The following DAPP1 variants were observed in gnomAD, a reference collection of about 807,000 sequenced individuals.
DAPP1 encodes the protein dual adapter for phosphotyrosine and 3-phosphotyrosine and 3-phosphoinositide.
A neutral mutation model predicts 41.5 loss-of-function variants in DAPP1; 20 were observed. That is an observed-to-expected ratio of 0.48 (90% CI 0.34 to 0.70). The LOEUF is 0.70. DAPP1 is among the 30% of genes least tolerant of loss of function. The pLI is 0.01. For missense variants in DAPP1, 233 were observed against 333.4 expected, an observed-to-expected ratio of 0.70 and a Z score of 2.35; for synonymous variants, 113 against 116.2, an observed-to-expected ratio of 0.97 and a Z score of 0.18.
intron 5 of DAPP1, among the ~76,000 whole-genome samples, chr4:99,862,130 A>G (rs1578191224): frequency 6.6e-6 from 1 of 152,138 alleles, no homozygotes; most frequent in East Asian, 1.9e-4. Context: ...TTTCATCTCA[A>G]TGTGCCAAGA....
chr4:99,817,729 G>A (rs1425789063), intron 1 of DAPP1, among the ~76,000 whole-genome samples: 1 of 152,212 alleles, frequency 6.6e-6, no homozygotes, highest in Non-Finnish European at 1.5e-5. Flanking sequence ...TATTACACAA[G>A]AGAGGAATTG....
intron 7 of DAPP1, 144 bp downstream of exon 7, chr4:99,863,999 G>A: frequency 1.7e-6 from 1 of 588,000 alleles, no homozygotes; most frequent in Non-Finnish European, 2.9e-6. Flanking sequence ...GTTTTCAGCT[G>A]AGTGTGACAT....
rs1371086783 is a variant in DAPP1, at chr4:99,866,644, T to A, written c.774+523T>A. 3.9e-6 allele frequency: 3 copies of A among 762,168 alleles called. No homozygotes were observed. The Admixed American group carries it at 5.2e-5, about 13-fold the overall frequency. 47.2% of individuals were successfully genotyped at this position (762,168 alleles called of 1,614,324 possible). A position where few individuals can be genotyped will look rare whatever the true frequency, so the allele number is the denominator to read the frequency against. ...GTGAGTACTTATAAAACTTCACCAA[T>A]CTTCTACTTGTTTTTCATGTGCTTG... On this transcript the variant is annotated intron_variant, in intron 8 of 8. Transcript: ENST00000512369.
At chr4:99,860,226 G>A (rs1200172176) in intron 4 of DAPP1, among the ~76,000 whole-genome samples, 1 of 152,192 alleles carries the variant, frequency 6.6e-6, no homozygotes, top group Admixed American at 6.6e-5. Context: ...GCAGCCTTTG[G>A]CTTACCTATC....
chr4:99,822,731 A>C (rs908808897), intron 1 of DAPP1, among the ~76,000 whole-genome samples: 1 of 152,010 alleles, frequency 6.6e-6, no homozygotes, highest in Non-Finnish European at 1.5e-5. Context: ...TTTCTCTTGT[A>C]CTTCTGTTTT....
Position 99,869,987 on chromosome 4 carries a change from A to T in DAPP1, c.*1802A>T, listed in dbSNP as rs974839337. On this transcript the variant is annotated 3_prime_UTR_variant, in exon 9 of 9. Coordinates refer to ENST00000512369, the MANE Select transcript of DAPP1 (RefSeq NM_014395.3). The stretch of plus-strand genomic sequence containing the variant: ...AAACAGAAGTTACAAATGAATACTC[A>T]CGGATATGTATAGTTTTATGTTTGT... 2 of 152,038 alleles carry T rather than the reference A, an allele frequency of 1.3e-5. No individual in the cohort carries two copies. The highest frequency in any genetic ancestry group is 4.8e-5 in the African/African-American group (2 of 41,420). 9.4% of individuals were successfully genotyped at this position (152,038 alleles called of 1,614,324 possible). A position where few individuals can be genotyped will look rare whatever the true frequency, so the allele number is the denominator to read the frequency against.
intron 8 of DAPP1, chr4:99,866,718 AT>A (rs764779672): frequency 1.6e-6 from 1 of 606,068 alleles, no homozygotes. Flanking sequence ...GCTGACTAAA[AT>A]TTCCTATAAA....
At chr4:99,841,289 C>T (rs1033336159) in intron 3 of DAPP1, among the ~76,000 whole-genome samples, 1 of 152,186 alleles carries the variant, frequency 6.6e-6, no homozygotes, top group Non-Finnish European at 1.5e-5. Context: ...GAGATGGCAT[C>T]ATTGGCTTCT....
chr4:99,840,460 T>C, intron 3 of DAPP1, 38 bp downstream of exon 3: 1 of 1,595,060 alleles, frequency 6.3e-7, no homozygotes, highest in Non-Finnish European at 8.5e-7. Context: ...TGAAATAATG[T>C]TTCGGGATGG....
chr4:99,871,949 T>A (rs931414854), downstream of DAPP1, among the ~76,000 whole-genome samples: 2 of 152,192 alleles, frequency 1.3e-5, no homozygotes, highest in Admixed American at 6.5e-5. Flanking sequence ...AGGGGTTGTG[T>A]GCCCTTGTAG....
Position 99,838,058 on chromosome 4 carries a change from C to A in DAPP1, c.225-2231C>A, listed in dbSNP as rs114694377. 3.5e-3 allele frequency among the ~76,000 whole-genome samples: 526 copies of A among 152,198 alleles called. 1 individual carries two copies. Among genetic ancestry groups the A allele is most frequent in the Admixed American group, 5.8e-3 (88 of 15,286 alleles). On this transcript the variant is annotated intron_variant, in intron 2 of 8. Coordinates refer to ENST00000512369, the MANE Select transcript of DAPP1 (RefSeq NM_014395.3). ...AGCAACTATAAATAAAAATGAGCTTCGCTAGCTCACCCATCACTCGTTTTC... is the reference window on the plus strand; with the variant it reads ...AGCAACTATAAATAAAAATGAGCTTAGCTAGCTCACCCATCACTCGTTTTC...
rs575146262 is a variant in DAPP1 at position 99,852,829 on chromosome 4, C to T, written c.359-389C>T. Among the ~76,000 whole-genome samples, 3 of 152,262 alleles carry T rather than the reference C, an allele frequency of 2.0e-5. No individual in the cohort carries two copies. The South Asian group carries it at 6.2e-4, about 32-fold the overall frequency. On this transcript the variant is annotated intron_variant, in intron 3 of 8. Coordinates refer to ENST00000512369, the MANE Select transcript of DAPP1 (RefSeq NM_014395.3). ...AGCCTTCCTGGAAAACTTCCAGTTA[C>T]TACTTAAGATCTAAATCAAATGTCA...
intron 1 of DAPP1, among the ~76,000 whole-genome samples, chr4:99,822,601 G>T (rs943444716): frequency 2.0e-5 from 3 of 152,132 alleles, no homozygotes; most frequent in South Asian, 4.1e-4. Context: ...AATTGAAAAA[G>T]CTCACATGAA....
chr4:99,834,196 A>T (rs1192735345), intron 1 of DAPP1, among the ~76,000 whole-genome samples: 1 of 152,220 alleles, frequency 6.6e-6, no homozygotes, highest in Non-Finnish European at 1.5e-5. Context: ...GAAAATAAAA[A>T]TAATAAATAA....
intron 4 of DAPP1, among the ~76,000 whole-genome samples, chr4:99,857,701 T>TAC (rs140943788): frequency 0.071 from 10,169 of 142,972 alleles, 372 homozygotes; most frequent in African/African-American, 0.1. Context: ...TGTATGTATA[T>TAC]ACACACACAC....
chr4:99,864,085 C>T (rs960333905), intron 7 of DAPP1: 17 of 342,284 alleles, frequency 5.0e-5, no homozygotes, highest in African/African-American at 3.5e-4. Context: ...AAGTATGACT[C>T]ACATAGAGGA....
chr4:99,817,340 G>A (rs1722623094), intron 1 of DAPP1, among the ~76,000 whole-genome samples: 1 of 152,162 alleles, frequency 6.6e-6, no homozygotes. Context: ...CCTTGATGTT[G>A]CTCTGGTTTA....
chr4:99,855,987 C>T (rs1224141845), intron 4 of DAPP1, among the ~76,000 whole-genome samples: 1 of 152,194 alleles, frequency 6.6e-6, no homozygotes, highest in Non-Finnish European at 1.5e-5. Flanking sequence ...AACTGTTTAA[C>T]ATCTTTTAGT....
At chr4:99,867,982 G>C in intron 8 of DAPP1, 135 bp from the exon 9 acceptor site, 1 of 766,764 alleles carries the variant, frequency 1.3e-6, no homozygotes, top group Non-Finnish European at 2.2e-6. Flanking sequence ...TTATAGTTGG[G>C]GGTGAGCACA....
Sources: allele counts gnomAD v4.1 joint callset (sites outside exome capture counted in the v4.1 genomes callset), GRCh38; gene constraint gnomAD v4.1.1; transcripts MANE v1.5; gene names NCBI Gene and HGNC (gene_info 2026-07-23, HGNC 2026-07-21).